ARHGAP17: variants seen among roughly 807,000 people sequenced by gnomAD.
ARHGAP17 encodes rho GTPase-activating protein 17.
In ARHGAP17, 57 loss-of-function variants were observed where a neutral mutation model predicts 99.5. The observed-to-expected ratio is 0.57, with a 90% CI of 0.46 to 0.71. The LOEUF (loss-of-function observed/expected upper bound fraction) is 0.71, where lower values mean the gene tolerates loss of function less well. ARHGAP17 is among the 30% of genes least tolerant of loss of function. The pLI is 0.00. For missense variants in ARHGAP17, 1,000 were observed against 1,122.4 expected (o/e 0.89, Z 1.56); for synonymous variants, 417 against 429.6 (o/e 0.97, Z 0.36).
intron 1 of ARHGAP17, among the ~76,000 whole-genome samples, chr16:25,011,805 G>C (rs2053650329): frequency 6.6e-6 from 1 of 151,954 alleles, no homozygotes; most frequent in African/African-American, 2.4e-5. Context: ...TCCCGTCTTT[G>C]CTATGAACTG....
intron 1 of ARHGAP17, among the ~76,000 whole-genome samples, chr16:24,983,707 A>C (rs927385102): frequency 5.3e-5 from 8 of 152,180 alleles, no homozygotes; most frequent in Non-Finnish European, 1.0e-4. Flanking sequence ...GCTTGAAAAC[A>C]CACTTGAATG....
intron 1 of ARHGAP17, among the ~76,000 whole-genome samples, chr16:24,981,976 T>C (rs548746139): frequency 1.3e-5 from 2 of 152,332 alleles, no homozygotes; most frequent in South Asian, 2.1e-4. Context: ...CTATATTGAA[T>C]ATATTATATG....
At chr16:25,006,012 G>C (rs1465653866) in intron 1 of ARHGAP17, among the ~76,000 whole-genome samples, 2 of 152,116 alleles carry the variant, frequency 1.3e-5, no homozygotes, top group Non-Finnish European at 2.9e-5. Context: ...TCATGAAAAA[G>C]TAATTTAGAG....
At chr16:25,013,473 T>G (rs1026940813) in intron 1 of ARHGAP17, among the ~76,000 whole-genome samples, 5 of 151,970 alleles carry the variant, frequency 3.3e-5, no homozygotes, top group African/African-American at 1.2e-4. Flanking sequence ...AATACAAAAA[T>G]TAGCGGATGT....
chr16:24,984,335 C>A (rs908312404), intron 1 of ARHGAP17, among the ~76,000 whole-genome samples: 4 of 152,146 alleles, frequency 2.6e-5, no homozygotes, highest in African/African-American at 9.7e-5. Context: ...AGTCATCACT[C>A]CTCCCCAGCG....
chr16:24,935,956 A>T, intron 17 of ARHGAP17: 2 of 359,216 alleles, frequency 5.6e-6, no homozygotes, highest in Non-Finnish European at 5.3e-6. Context: ...CTATAGGACT[A>T]TTTATTTTAT....
chr16:24,930,645 C>T, intron 19 of ARHGAP17, 139 bp downstream of exon 19: 4 of 1,429,736 alleles, frequency 2.8e-6, no homozygotes, highest in Non-Finnish European at 3.9e-6. Flanking sequence ...ATGACAAAAA[C>T]TGGCTGCAGG....
At chr16:25,002,122 A>C (rs1195943182) in intron 1 of ARHGAP17, among the ~76,000 whole-genome samples, 1 of 152,118 alleles carries the variant, frequency 6.6e-6, no homozygotes, top group Non-Finnish European at 1.5e-5. Flanking sequence ...CACACACCCA[A>C]AGCCATAAAT....
chr16:24,932,617 G>A (rs2051025952), intron 18 of ARHGAP17, among the ~76,000 whole-genome samples: 1 of 152,098 alleles, frequency 6.6e-6, no homozygotes, highest in Non-Finnish European at 1.5e-5. Context: ...AACCATTTGA[G>A]TTAATAGATA....
chr16:24,959,140 A>G (rs1338850488), intron 9 of ARHGAP17, among the ~76,000 whole-genome samples: 1 of 152,244 alleles, frequency 6.6e-6, no homozygotes, highest in East Asian at 1.9e-4. Flanking sequence ...AATGGTGATA[A>G]GAACAAAAGC....
intron 1 of ARHGAP17, among the ~76,000 whole-genome samples, chr16:24,986,903 G>A (rs1467873235): frequency 6.6e-6 from 1 of 152,178 alleles, no homozygotes; most frequent in South Asian, 2.1e-4. Context: ...GTCCAAATGC[G>A]GAGGCACAGC....
At chr16:24,934,111 G>C (rs2051069956) in intron 18 of ARHGAP17, among the ~76,000 whole-genome samples, 1 of 152,158 alleles carries the variant, frequency 6.6e-6, no homozygotes, top group Non-Finnish European at 1.5e-5. Flanking sequence ...CATTTGTGTA[G>C]TGCTTTGTAA....
At chr16:24,939,117 C>T (rs182327232) in intron 17 of ARHGAP17, among the ~76,000 whole-genome samples, 28 of 152,342 alleles carry the variant, frequency 1.8e-4, no homozygotes, top group Admixed American at 5.2e-4. Flanking sequence ...CACTGGCTTC[C>T]GGTTTCCAGC....
chr16:24,940,720 G>C (rs1197752177), intron 16 of ARHGAP17, among the ~76,000 whole-genome samples: 1 of 152,088 alleles, frequency 6.6e-6, no homozygotes, highest in East Asian at 1.9e-4. Flanking sequence ...AAAAAGACTG[G>C]AAAAAGCCGT....
chr16:24,933,091 C>G (rs545237079), intron 18 of ARHGAP17, among the ~76,000 whole-genome samples: 14 of 152,138 alleles, frequency 9.2e-5, no homozygotes, highest in Non-Finnish European at 1.8e-4. Flanking sequence ...GGTCACACAG[C>G]TAGTAAGGGG....
At position 24,955,794 on chromosome 16, in the gene ARHGAP17, G is replaced by T. The variant is rs1055064252; in HGVS notation, c.725-1064C>A. On this transcript the variant is annotated intron_variant, in intron 9 of 19. Coordinates refer to ENST00000289968, the MANE Select transcript of ARHGAP17 (RefSeq NM_001006634.3). The surrounding 1 kb of genome is among the most constrained non-coding windows in gnomAD (Gnocchi z 4.0). The stretch of plus-strand genomic sequence containing the variant: ...ACAGCAGGGGTAGATTTGCACATGG[G>T]GAAGGAAGAAAAATAAAATCCCACA... The T allele has an allele frequency of 1.1e-4, 16 of 152,222 alleles. No homozygotes were observed. The highest frequency in any genetic ancestry group is 3.6e-4 in the African/African-American group (15 of 41,436). The allele number at this position is 152,222 out of a possible 1,614,324, so 9.4% of individuals were successfully genotyped here.
intron 3 of ARHGAP17, among the ~76,000 whole-genome samples, chr16:24,974,863 G>A (rs185843380): frequency 2.6e-5 from 4 of 152,206 alleles, no homozygotes; most frequent in South Asian, 2.1e-4. Context: ...AAATAAAAGC[G>A]AGGCCCAGCA....
intron 1 of ARHGAP17, among the ~76,000 whole-genome samples, chr16:24,996,053 A>G (rs1301254441): frequency 6.6e-6 from 1 of 152,172 alleles, no homozygotes; most frequent in Non-Finnish European, 1.5e-5. Context: ...TTTCAGCACA[A>G]TGGTTTTTAA....
chr16:25,007,212 T>C (rs982921490), intron 1 of ARHGAP17, among the ~76,000 whole-genome samples: 2 of 152,192 alleles, frequency 1.3e-5, no homozygotes, highest in Non-Finnish European at 2.9e-5. Flanking sequence ...AATAAGGCAA[T>C]GCTAAAATAA....
Sources: gnomAD v4.1 joint callset for allele counts (sites outside exome capture counted in the v4.1 genomes callset) on GRCh38, gnomAD v4.1.1 for gene constraint, Gnocchi (gnomAD v3.1) non-coding constraint, MANE v1.5 for transcripts, NCBI Gene and HGNC (gene_info 2026-07-23, HGNC 2026-07-21) for gene names.